ZNF440: variants seen among roughly 807,000 people sequenced by gnomAD.
The protein encoded by ZNF440 is zinc finger protein 440.
Under a neutral mutation model 49.7 loss-of-function variants are expected in ZNF440, and 47 were observed. The observed-to-expected ratio is 0.95, with a 90% CI of 0.75 to 1.21. The LOEUF (loss-of-function observed/expected upper bound fraction) is 1.21. Among genes scored for constraint, ZNF440 ranks in the 50% most tolerant of loss-of-function variants. ZNF440 has a pLI of 0.00. For synonymous variants in ZNF440, 255 were observed against 237.7 expected (o/e 1.07, Z -0.67); for missense variants, 703 against 715.0 (o/e 0.98, Z 0.19).
At chr19:11,815,234 A>G (rs1975717578) in intron 1 of ZNF440, among the ~76,000 whole-genome samples, 1 of 149,340 alleles carries the variant, frequency 6.7e-6, no homozygotes, top group Non-Finnish European at 1.5e-5. Flanking sequence ...CCGAGATCGC[A>G]CCACTGTACT....
Position 11,815,284 on chromosome 19 carries a change from T to TCACACACACACACACACACACACA in ZNF440, c.3+853_3+876dup, listed in dbSNP as rs3223082. ...AGAGCGAGACAACTGGGCAACTCCG[T>TCACACACACACACACACACACACA]CACACACACACACACACACACACAC... On this transcript the variant is annotated intron_variant, in intron 1 of 3. Coordinates refer to ENST00000304060, the MANE Select transcript of ZNF440 (RefSeq NM_152357.3). Among the ~76,000 whole-genome samples, 223 of 121,110 alleles carry TCACACACACACACACACACACACA rather than the reference T, an allele frequency of 1.8e-3. 4 individuals are homozygous for TCACACACACACACACACACACACA. The highest frequency in any genetic ancestry group is 4.2e-3 in the Middle Eastern group (1 of 240). 79.5% of individuals were successfully genotyped at this position (121,110 alleles called of 152,430 possible).
At chr19:11,824,341 A>G (rs1010454179) in intron 1 of ZNF440, among the ~76,000 whole-genome samples, 5 of 152,168 alleles carry the variant, frequency 3.3e-5, no homozygotes, top group African/African-American at 4.8e-5. Context: ...GAAACTTACT[A>G]AAAATATTAT....
chr19:11,822,890 C>A (rs918988862), intron 1 of ZNF440, among the ~76,000 whole-genome samples: 1 of 148,514 alleles, frequency 6.7e-6, no homozygotes, highest in Non-Finnish European at 1.5e-5. Context: ...TTTGCTTTTT[C>A]CATTGGTCTA....
At chr19:11,815,639 T>A (rs978685078) in intron 1 of ZNF440, among the ~76,000 whole-genome samples, 8 of 152,152 alleles carry the variant, frequency 5.3e-5, no homozygotes, top group Non-Finnish European at 1.0e-4. Flanking sequence ...GCGCGGTGGC[T>A]CACGCCTGTA....
Position 11,832,812 on chromosome 19 carries a change from A to G in ZNF440, c.1636A>G (p.Ser546Gly), listed in dbSNP as rs775832340. Reference sequence around the variant, plus strand: ...CCTGAAGAGAAACCCTATGAGTGTGAGCAATGACGGAAAGCCTTCAGATCT... The same window carrying G: ...CCTGAAGAGAAACCCTATGAGTGTGGGCAATGACGGAAAGCCTTCAGATCT... ...LTLKRNPMSVSNDGKPSDLPH... is the reference protein window; with the variant it reads ...LTLKRNPMSVGNDGKPSDLPH... Residue 546 changes from serine (S) to glycine (G), a missense_variant, in exon 4 of 4, where the codon AGC (serine) becomes GGC (glycine). Ser to Gly is a moderately conservative substitution (Grantham distance 56, BLOSUM62 0). Coordinates refer to ENST00000304060, the MANE Select transcript of ZNF440 (RefSeq NM_152357.3). 4.3e-6 allele frequency: 7 copies of G among 1,614,054 alleles called. No individual in the cohort carries two copies. Among genetic ancestry groups the G allele is most frequent in the Non-Finnish European group, 8.5e-7 (1 of 1,180,000 alleles).
At chr19:11,822,845 TAA>T (rs547706900) in intron 1 of ZNF440, among the ~76,000 whole-genome samples, 73 of 117,400 alleles carry the variant, frequency 6.2e-4, no homozygotes, top group Non-Finnish European at 6.9e-4. Flanking sequence ...GAAACTCCGT[TAA>T]AAAAAAAAAA....
chr19:11,826,666 T>C (rs1975870745), intron 1 of ZNF440, among the ~76,000 whole-genome samples: 1 of 70,494 alleles, frequency 1.4e-5, no homozygotes, highest in South Asian at 3.5e-4. Context: ...TTTTTCCTTT[T>C]TTTTTTTTTT....
chr19:11,826,320 ATT>A (rs34745315), intron 1 of ZNF440, among the ~76,000 whole-genome samples: 2 of 146,990 alleles, frequency 1.4e-5, no homozygotes, highest in East Asian at 2.0e-4. Flanking sequence ...GACCTTATCT[ATT>A]TTTTTTTTTT....
chr19:11,826,948 C>T (rs1173618176), intron 1 of ZNF440, among the ~76,000 whole-genome samples: 1 of 152,060 alleles, frequency 6.6e-6, no homozygotes, highest in East Asian at 1.9e-4. Context: ...CAGGCATGAG[C>T]CACTGCGCCC....
chr19:11,820,257 C>A (rs1309063212), intron 1 of ZNF440, among the ~76,000 whole-genome samples: 1 of 152,136 alleles, frequency 6.6e-6, no homozygotes, highest in Non-Finnish European at 1.5e-5. Flanking sequence ...CACTCTGTCG[C>A]CCAGGCTGGA....
chr19:11,833,203 A>G lies in ZNF440; in HGVS notation c.*239A>G. On this transcript the variant is annotated 3_prime_UTR_variant, in exon 4 of 4. Transcript: ENST00000304060. ...CCTTCAGATCTGTCAAAAATCTTCG[A>G]TTTCATAAAAGGACACACACTGGAG... 1 of 1,120,882 alleles carries G rather than the reference A, an allele frequency of 8.9e-7. No homozygotes were observed. Among genetic ancestry groups the G allele is most frequent in the Non-Finnish European group, 1.3e-6 (1 of 773,368 alleles). The allele number at this position is 1,120,882 out of a possible 1,614,324, so 69.4% of individuals were successfully genotyped here. A position where few individuals can be genotyped will look rare whatever the true frequency, so the allele number is the denominator to read the frequency against.
At chr19:11,825,812 C>CT (rs1975857441) in intron 1 of ZNF440, among the ~76,000 whole-genome samples, 2 of 128,362 alleles carry the variant, frequency 1.6e-5, no homozygotes, top group Non-Finnish European at 1.6e-5. Context: ...CTTTTCTTTT[C>CT]TTTTCTTTTT....
Position 11,819,135 on chromosome 19 carries a change from C to CT in ZNF440, c.3+4686dup, listed in dbSNP as rs540140402. Among the ~76,000 whole-genome samples, 64 of 152,080 alleles carry CT rather than the reference C, an allele frequency of 4.2e-4. No homozygotes were observed. The South Asian group carries it at 0.012, about 30-fold the overall frequency. On this transcript the variant is annotated intron_variant, in intron 1 of 3. Transcript: ENST00000304060. ...CCAGCCTGGGCAACATAGTGAGACCCTCCCCCCCATCTCAATTATGAAAAA... is the reference window on the plus strand; with the variant it reads ...CCAGCCTGGGCAACATAGTGAGACCCTTCCCCCCCATCTCAATTATGAAAAA...
Position 11,831,760 on chromosome 19 carries a change from G to C in ZNF440, c.584G>C (p.Ser195Thr), listed in dbSNP as rs376877223. 2.8e-5 allele frequency: 46 copies of C among 1,614,112 alleles called. 1 individual carries two copies. In the African/African-American group the frequency reaches 4.0e-4, roughly 14 times the overall value. ...SSVRRHMVMH[S>T]GDGPYKCKFC... ...GTTCGAAGACACATGGTAATGCACA[G>C]TGGGGATGGACCTTATAAATGTAAG... is the stretch of plus-strand genomic sequence containing the variant. The change falls in exon 4 of 4, where the codon AGT (serine) becomes ACT (threonine). Residue 195 changes from serine to threonine, a missense_variant. By Grantham distance (58) the Ser-to-Thr change is moderately conservative. Coordinates refer to ENST00000304060, the MANE Select transcript of ZNF440 (RefSeq NM_152357.3).
At chr19:11,824,339 C>A (rs1489227515) in intron 1 of ZNF440, among the ~76,000 whole-genome samples, 2 of 152,036 alleles carry the variant, frequency 1.3e-5, no homozygotes. Context: ...TAGAAACTTA[C>A]TAAAAATATT....
Position 11,832,595 on chromosome 19 carries a change from T to G in ZNF440, c.1419T>G (p.Phe473Leu), listed in dbSNP as rs186374941. ...AAGGCTTTTATTGTCCCAAATCATT[T>G]CAAAGACATGAAAAAACTCACACTG... ...CGKGFYCPKS[F>L]QRHEKTHTGE... The change falls in exon 4 of 4, where the codon TTT becomes TTG. Residue 473 changes from phenylalanine (F) to leucine (L), a missense_variant. Phe to Leu is a conservative substitution (Grantham distance 22, BLOSUM62 0). Transcript: ENST00000304060. The G allele has an allele frequency of 6.9e-5, 112 of 1,613,592 alleles. No homozygotes were observed. The East Asian group carries it at 2.0e-3, about 28-fold the overall frequency.
At chr19:11,820,479 A>G (rs978919397) in intron 1 of ZNF440, among the ~76,000 whole-genome samples, 1 of 152,126 alleles carries the variant, frequency 6.6e-6, no homozygotes, top group Non-Finnish European at 1.5e-5. Context: ...CGGCCTCCCA[A>G]AGTGCTGGGA....
At chr19:11,820,366 G>A (rs572993814) in intron 1 of ZNF440, among the ~76,000 whole-genome samples, 2 of 152,100 alleles carry the variant, frequency 1.3e-5, no homozygotes, top group Non-Finnish European at 2.9e-5. Flanking sequence ...ACAGGCACCT[G>A]CCACCACGCC....
rs10418790 is a variant in ZNF440, at chr19:11,832,304, C to A, written c.1128C>A (p.Ala376=). The A allele has an allele frequency of 1.3e-5, 21 of 1,614,024 alleles. No homozygotes were observed. The African/African-American group carries it at 2.3e-4, about 17-fold the overall frequency. The change falls in exon 4 of 4, where the codon GCC becomes GCA. Residue 376 remains alanine, a synonymous_variant. Coordinates refer to ENST00000304060, the MANE Select transcript of ZNF440 (RefSeq NM_152357.3). ...KPYKCKQCGK[A]FPHSSSLRYH... ...ATAAATGTAAGCAGTGTGGTAAAGC[C>A]TTCCCTCATTCCAGTTCCCTTCGAT...
Sources: allele counts gnomAD v4.1 joint callset (sites outside exome capture counted in the v4.1 genomes callset), GRCh38; gene constraint gnomAD v4.1.1; transcripts MANE v1.5; gene names NCBI Gene and HGNC (gene_info 2026-07-23, HGNC 2026-07-21).